Variants in DNAH8 observed in about 807,000 individuals in gnomAD.
DNAH8 encodes the protein dynein axonemal heavy chain 8, also known as axonemal beta dynein heavy chain 8.
In DNAH8, 382 loss-of-function variants were observed where a neutral mutation model predicts 562.1. The observed-to-expected ratio is 0.68, with a 90% CI of 0.63 to 0.74. The LOEUF (loss-of-function observed/expected upper bound fraction) is 0.74. DNAH8 is among the 30% of genes least tolerant of loss of function. The pLI, the probability that DNAH8 is intolerant of heterozygous loss-of-function variation, is 0.00. For synonymous variants in DNAH8, 1,881 were observed against 1,919.4 expected, an observed-to-expected ratio of 0.98 and a Z score of 0.52; for missense variants, 5,203 against 5,620.4, an observed-to-expected ratio of 0.93 and a Z score of 2.37.
intron 79 of DNAH8, among the ~76,000 whole-genome samples, chr6:38,939,406 G>A (rs1384802655): frequency 6.6e-6 from 1 of 152,112 alleles, no homozygotes; most frequent in African/African-American, 2.4e-5. Flanking sequence ...CCATGTTAAA[G>A]GTATAATTAA....
At chr6:38,752,070 A>G (rs1765499224) in intron 9 of DNAH8, among the ~76,000 whole-genome samples, 1 of 152,196 alleles carries the variant, frequency 6.6e-6, no homozygotes, top group Admixed American at 6.5e-5. Context: ...GAATCTAGCT[A>G]TCTGTAGCAT....
intron 41 of DNAH8, among the ~76,000 whole-genome samples, chr6:38,855,740 C>G (rs945968772): frequency 4.6e-5 from 7 of 152,262 alleles, no homozygotes; most frequent in South Asian, 2.1e-4. Context: ...CAACCACCCC[C>G]ACCCGGCCCG....
chr6:38,953,817 G>T (rs541242359), intron 82 of DNAH8, among the ~76,000 whole-genome samples: 2 of 151,342 alleles, frequency 1.3e-5, no homozygotes, highest in African/African-American at 2.4e-5. Flanking sequence ...AGGTGAATGT[G>T]ACTGGAAATC....
intron 21 of DNAH8, among the ~76,000 whole-genome samples, chr6:38,795,307 C>G (rs557715817): frequency 6.6e-6 from 1 of 152,234 alleles, no homozygotes; most frequent in East Asian, 1.9e-4. Flanking sequence ...TTGCTGGGCA[C>G]GGTGGCTCAC....
chr6:38,843,055 T>G lies in DNAH8; in HGVS notation c.4845+152T>G, dbSNP rs1028772878. On this transcript the variant is annotated intron_variant, in intron 35 of 92. Transcript: ENST00000327475. ...TGGAATGATCCTGAACATTCTTGAC[T>G]TTTATGAAATAATCTTGTAACTCAA... 23 of 652,066 alleles carry G rather than the reference T, an allele frequency of 3.5e-5. No individual in the cohort carries two copies. In the African/African-American group the frequency reaches 3.6e-4, roughly 10 times the overall value. The allele number at this position is 652,066 out of a possible 1,614,324, so 40.4% of individuals were successfully genotyped here. A position where few individuals can be genotyped will look rare whatever the true frequency, so the allele number is the denominator to read the frequency against.
At chr6:38,873,753 CACACACACACACACA>C (rs1777668819) in intron 52 of DNAH8, among the ~76,000 whole-genome samples, 2 of 99,178 alleles carry the variant, frequency 2.0e-5, no homozygotes, top group Admixed American at 1.2e-4. Flanking sequence ...CACACACACA[CACACACACACACACA>C]CCCCTGCACT....
Position 38,901,500 on chromosome 6 carries a change from GT to G in DNAH8, c.9194+1595del, listed in dbSNP as rs769991919. On this transcript the variant is annotated intron_variant, in intron 62 of 92. Coordinates refer to ENST00000327475, the MANE Select transcript of DNAH8 (RefSeq NM_001206927.2). The stretch of plus-strand genomic sequence containing the variant: ...TGTCTTAAGTCATCTGATCATATAT[GT>G]GACTATATAGTCTCCTCCACTGGTT... 1.5e-4 allele frequency among the ~76,000 whole-genome samples: 23 copies of G among 152,146 alleles called. 1 individual carries two copies. The highest frequency in any genetic ancestry group is 7.2e-4 in the Admixed American group (11 of 15,282).
chr6:39,027,234 TAATA>T (rs575056558), intron 92 of DNAH8, among the ~76,000 whole-genome samples: 11 of 151,258 alleles, frequency 7.3e-5, no homozygotes, highest in African/African-American at 2.7e-4. Context: ...GACCCTGTCT[TAATA>T]AATAAATAAA....
intron 92 of DNAH8, among the ~76,000 whole-genome samples, chr6:39,027,894 G>A (rs1352615943): frequency 1.3e-5 from 2 of 152,132 alleles, no homozygotes; most frequent in African/African-American, 2.4e-5. Flanking sequence ...TTTAGGTGTG[G>A]TGCTGGACCC....
At position 38,842,743 on chromosome 6, in the gene DNAH8, C is replaced by G. The variant is rs1409625697; in HGVS notation, c.4685C>G (p.Ser1562Ter). The G allele has an allele frequency of 6.2e-7, 1 of 1,613,864 alleles. No homozygotes were observed. The highest frequency in any genetic ancestry group is 8.5e-7 in the Non-Finnish European group (1 of 1,179,902). Reference sequence around the variant, plus strand: ...AAGAGAATTGATGATTTCAGTGAGTCATGTCCTCTACTGGAAATGATGACC... The same window carrying G: ...AAGAGAATTGATGATTTCAGTGAGTGATGTCCTCTACTGGAAATGATGACC... ...LKKRIDDFSESCPLLEMMTNK... is the reference protein window; with the variant it reads ...LKKRIDDFSE Residue 1562 changes from serine (S) to a stop codon, truncating the protein, a stop_gained, in exon 35 of 93, where the codon TCA becomes TGA. Transcript: ENST00000327475. LOFTEE classifies it high-confidence loss of function.
intron 88 of DNAH8, among the ~76,000 whole-genome samples, chr6:39,004,903 A>G (rs1032002741): frequency 2.6e-5 from 4 of 152,162 alleles, no homozygotes; most frequent in Non-Finnish European, 4.4e-5. Context: ...CCAGTGCCAC[A>G]TTTTGTTTAT....
chr6:38,898,034 A>C (rs1210150550), intron 60 of DNAH8, among the ~76,000 whole-genome samples: 2 of 152,164 alleles, frequency 1.3e-5, no homozygotes, highest in Non-Finnish European at 2.9e-5. Context: ...GGGAAAGGTC[A>C]GAAATGATTT....
Position 38,882,965 on chromosome 6 carries a change from T to C in DNAH8, c.7914T>C (p.Ser2638=), listed in dbSNP as rs1446083077. 1.2e-6 allele frequency: 2 copies of C among 1,605,884 alleles called. No homozygotes were observed. Among genetic ancestry groups the C allele is most frequent in the African/African-American group, 2.7e-5 (2 of 74,684 alleles). ...AGCCTTATTATTATCCAACTGACAGTATTCCGGAATATTCATCAATTTTGG... is the reference window on the plus strand; with the variant it reads ...AGCCTTATTATTATCCAACTGACAGCATTCCGGAATATTCATCAATTTTGG... ...KLQPYYYPTD[S]IPEYSSILVP... The change falls in exon 54 of 93, where the codon AGT becomes AGC. Residue 2638 remains serine (S), a synonymous_variant. Transcript: ENST00000327475.
At position 39,030,323 on chromosome 6, in the gene DNAH8, T is replaced by C. The variant is rs1561993795; in HGVS notation, c.14055T>C (p.Tyr4685=). ...ATTTGACCTTCATCACTGTGGTATATTTACGAACAGTGTTGTCCCCGGATC... is the reference window on the plus strand; with the variant it reads ...ATTTGACCTTCATCACTGTGGTATACTTACGAACAGTGTTGTCCCCGGATC... The part of the protein sequence containing the change: ...RTDLTFITVV[Y]LRTVLSPDHW... The change falls in exon 93 of 93, where the codon TAT becomes TAC. Residue 4685 remains tyrosine, a synonymous_variant. Coordinates refer to ENST00000327475, the MANE Select transcript of DNAH8 (RefSeq NM_001206927.2). 1 of 1,613,962 alleles carries C rather than the reference T, an allele frequency of 6.2e-7. No individual in the cohort carries two copies. The highest frequency in any genetic ancestry group is 1.3e-5 in the African/African-American group (1 of 74,930).
chr6:38,863,953 C>A lies in DNAH8; in HGVS notation c.6391C>A (p.Gln2131Lys). The change falls in exon 45 of 93, where the codon CAA becomes AAA. Residue 2131 changes from glutamine to lysine, a missense_variant. Gln to Lys is a moderately conservative substitution (Grantham distance 53). Transcript: ENST00000327475. ...GCCTGTATTATCAGTGGCAGCACAA[C>A]AAATTTATATTGTTTTGACAGCAAG... ...ELPVLSVAAQ[Q>K]IYIVLTARKE... 1.2e-6 allele frequency: 2 copies of A among 1,612,804 alleles called. No homozygotes were observed. The highest frequency in any genetic ancestry group is 1.7e-6 in the Non-Finnish European group (2 of 1,179,756).
chr6:38,904,525 T>TCACGCCTGTAATCC (rs1780296825), intron 62 of DNAH8, among the ~76,000 whole-genome samples: 1 of 152,094 alleles, frequency 6.6e-6, no homozygotes, highest in South Asian at 2.1e-4. Flanking sequence ...GCGCCCTGGC[T>TCACGCCTGTAATCC]CACGCCTGTA....
chr6:38,989,175 C>CG (rs1764608955), intron 87 of DNAH8, among the ~76,000 whole-genome samples: 2 of 152,150 alleles, frequency 1.3e-5, no homozygotes, highest in Non-Finnish European at 2.9e-5. Context: ...AGGAAGGCAC[C>CG]GTCCCTCTTT....
chr6:39,010,815 ACACACGTATGTATGTATGTATG>A (rs1561973012), intron 89 of DNAH8, among the ~76,000 whole-genome samples: 1 of 130,340 alleles, frequency 7.7e-6, no homozygotes, highest in Admixed American at 8.2e-5. Flanking sequence ...ACACACACAC[ACACACGTATGTATGTATGTATG>A]TATGTATGTA....
At chr6:38,927,188 G>A (rs114192643) in intron 74 of DNAH8, among the ~76,000 whole-genome samples, 1,960 of 152,276 alleles carry the variant, frequency 0.013, 35 homozygotes, top group Middle Eastern at 0.037. Flanking sequence ...AATATGAAAA[G>A]AAGCACTTGG....
Sources: gnomAD v4.1 joint callset for allele counts (sites outside exome capture counted in the v4.1 genomes callset) on GRCh38, gnomAD v4.1.1 for gene constraint, MANE v1.5 for transcripts, NCBI Gene and HGNC (gene_info 2026-07-23, HGNC 2026-07-21) for gene names.